Variants in ACTR3B observed in about 807,000 individuals in gnomAD.
ACTR3B encodes the protein actin related protein 3B.
Under a neutral mutation model 59.0 loss-of-function variants are expected in ACTR3B, and 8 were observed. The ratio of observed to expected loss-of-function variants is 0.14; its 90% CI spans 0.08 to 0.24. The LOEUF (loss-of-function observed/expected upper bound fraction) is 0.24. Among genes scored for constraint, ACTR3B ranks in the 10% least tolerant of loss-of-function variants. The pLI, the probability that ACTR3B is intolerant of heterozygous loss-of-function variation, is 1.00. For synonymous variants in ACTR3B, 148 were observed against 197.9 expected (o/e 0.75, Z 2.12); for missense variants, 245 against 552.3 (o/e 0.44, Z 5.58).
At chr7:152,836,901 T>A (rs939046271) in intron 9 of ACTR3B, among the ~76,000 whole-genome samples, 1 of 152,242 alleles carries the variant, frequency 6.6e-6, no homozygotes, top group African/African-American at 2.4e-5. Context: ...CCGGCCTTCA[T>A]GGCTCATGTG....
At chr7:152,807,723 C>T (rs1226325313) in intron 4 of ACTR3B, among the ~76,000 whole-genome samples, 1 of 152,208 alleles carries the variant, frequency 6.6e-6, no homozygotes, top group Non-Finnish European at 1.5e-5. Context: ...TTTTTGATAA[C>T]TTTGACCTTA....
intron 9 of ACTR3B, among the ~76,000 whole-genome samples, chr7:152,846,654 G>A (rs1426236713): frequency 6.8e-6 from 1 of 146,356 alleles, no homozygotes; most frequent in Admixed American, 6.8e-5. Context: ...CCGGGCTGCA[G>A]TCTGTAGTGA....
chr7:152,793,375 G>A (rs1328906263), intron 2 of ACTR3B, among the ~76,000 whole-genome samples: 3 of 124,068 alleles, frequency 2.4e-5, no homozygotes, highest in Non-Finnish European at 4.9e-5. Flanking sequence ...CTTTTGTTTG[G>A]ACTGGGTAAT....
chr7:152,768,882 C>T (rs1025039606), intron 1 of ACTR3B, among the ~76,000 whole-genome samples: 2 of 150,750 alleles, frequency 1.3e-5, no homozygotes, highest in African/African-American at 4.9e-5. Context: ...GAGACCGAGT[C>T]TCCTTCTGTC....
chr7:152,765,452 T>C (rs996786225), intron 1 of ACTR3B, among the ~76,000 whole-genome samples: 8 of 150,702 alleles, frequency 5.3e-5, no homozygotes, highest in Non-Finnish European at 1.2e-4. Context: ...TTCCACATAT[T>C]GTGAGATGCA....
chr7:152,845,879 G>A (rs1798231429), intron 9 of ACTR3B, among the ~76,000 whole-genome samples: 2 of 152,222 alleles, frequency 1.3e-5, no homozygotes, highest in Admixed American at 1.3e-4. Flanking sequence ...ATTCAGCCAT[G>A]AAATGATTTT....
At position 152,821,474 on chromosome 7, in the gene ACTR3B, A is replaced by T. The variant is rs183764830; in HGVS notation, c.684+1032A>T. On this transcript the variant is annotated intron_variant, in intron 7 of 11. Transcript: ENST00000256001. ...GATCTCGTCTCTATTTCAAAAAAGA[A>T]AAAAAAAAAAAGAATTGAGCCTTTT... 1.2e-4 allele frequency among the ~76,000 whole-genome samples: 18 copies of T among 146,234 alleles called. No individual in the cohort carries two copies. The South Asian group carries it at 1.9e-3, about 16-fold the overall frequency.
intron 1 of ACTR3B, 80 bp downstream of exon 1, chr7:152,760,006 A>G (rs2117083965): frequency 8.2e-7 from 1 of 1,215,598 alleles, no homozygotes; most frequent in Non-Finnish European, 1.0e-6. Flanking sequence ...CTGGAGGTCG[A>G]GCTGCGTCCG....
intron 7 of ACTR3B, among the ~76,000 whole-genome samples, 159 bp from the exon 8 acceptor site, chr7:152,823,183 G>T (rs1462675943): frequency 6.6e-6 from 1 of 152,174 alleles, no homozygotes; most frequent in Admixed American, 6.5e-5. Context: ...CATGAAAGAC[G>T]ATGGAATGTG....
At chr7:152,781,193 G>T (rs867164082) in intron 1 of ACTR3B, among the ~76,000 whole-genome samples, 25 of 94,416 alleles carry the variant, frequency 2.6e-4, no homozygotes, top group Middle Eastern at 0.012. Context: ...CGTTTCAGTG[G>T]TTTTTTTTTT....
chr7:152,854,424 G>A lies in ACTR3B; in HGVS notation c.1162-34G>A, dbSNP rs1436911935. 2 of 1,589,746 alleles carry A rather than the reference G, an allele frequency of 1.3e-6. No homozygotes were observed. The highest frequency in any genetic ancestry group is 1.3e-5 in the African/African-American group (1 of 74,392). ...GGTTCCCTTGACTTTCTTCTGAAAT[G>A]AGTGTCTTTCTGTCTGCCTGTTGCC... is the stretch of plus-strand genomic sequence containing the variant. On this transcript the variant is annotated intron_variant, in intron 11 of 11. Transcript: ENST00000256001. This position sits in a 1 kb window ranked among gnomAD's most constrained non-coding sequence, Gnocchi z 4.9.
intron 9 of ACTR3B, among the ~76,000 whole-genome samples, chr7:152,842,428 G>T (rs186465787): frequency 6.6e-6 from 1 of 152,190 alleles, no homozygotes; most frequent in Non-Finnish European, 1.5e-5. Flanking sequence ...AGAATGGTGC[G>T]CAGTTTAAAA....
At chr7:152,842,801 G>A (rs770376506) in intron 9 of ACTR3B, among the ~76,000 whole-genome samples, 1 of 152,206 alleles carries the variant, frequency 6.6e-6, no homozygotes, top group African/African-American at 2.4e-5. Flanking sequence ...GTACCCAGGA[G>A]TGCAGTTGCT....
intron 7 of ACTR3B, among the ~76,000 whole-genome samples, chr7:152,822,337 G>A (rs1796238522): frequency 6.6e-6 from 1 of 152,200 alleles, no homozygotes; most frequent in African/African-American, 2.4e-5. Flanking sequence ...CGTGCTTCCC[G>A]TAGGCAGCAA....
chr7:152,777,480 C>G (rs1236669593), intron 1 of ACTR3B, among the ~76,000 whole-genome samples: 1 of 152,144 alleles, frequency 6.6e-6, no homozygotes, highest in Non-Finnish European at 1.5e-5. Context: ...GGGTAACATT[C>G]TATTGCTGTT....
intron 1 of ACTR3B, among the ~76,000 whole-genome samples, chr7:152,763,515 C>T (rs569734013): frequency 3.3e-5 from 5 of 151,808 alleles, no homozygotes; most frequent in Admixed American, 2.0e-4. Context: ...CCTCTGTCTC[C>T]CAGGTTCAGG....
At chr7:152,784,715 C>T (rs1422242377) in intron 2 of ACTR3B, among the ~76,000 whole-genome samples, 1 of 152,192 alleles carries the variant, frequency 6.6e-6, no homozygotes, top group African/African-American at 2.4e-5. Flanking sequence ...TCTCCACGGC[C>T]TGCAGAGGGC....
chr7:152,829,312 C>T (rs1405632164), intron 9 of ACTR3B, among the ~76,000 whole-genome samples: 1 of 152,176 alleles, frequency 6.6e-6, no homozygotes, highest in South Asian at 2.1e-4. Flanking sequence ...CAGAGCTTGC[C>T]CATCTTCTGA....
intron 1 of ACTR3B, among the ~76,000 whole-genome samples, chr7:152,781,193 GTTTTTTTTTT>G (rs369933153): frequency 1.1e-5 from 1 of 94,420 alleles, no homozygotes; most frequent in African/African-American, 4.2e-5. Flanking sequence ...CGTTTCAGTG[GTTTTTTTTTT>G]TTTTTTTTTT....
Sources: gnomAD v4.1 joint callset for allele counts (sites outside exome capture counted in the v4.1 genomes callset) on GRCh38, gnomAD v4.1.1 for gene constraint, Gnocchi (gnomAD v3.1) non-coding constraint, MANE v1.5 for transcripts, NCBI Gene and HGNC (gene_info 2026-07-23, HGNC 2026-07-21) for gene names.